ANKRD55: variants seen among roughly 807,000 people sequenced by gnomAD.
ANKRD55 encodes the protein ankyrin repeat domain-containing protein 55.
In ANKRD55, 41 loss-of-function variants were observed where a neutral mutation model predicts 60.6. The ratio of observed to expected loss-of-function variants is 0.68; its 90% CI spans 0.53 to 0.88. The LOEUF (loss-of-function observed/expected upper bound fraction) is 0.88. Among genes scored for constraint, ANKRD55 ranks in the 40% least tolerant of loss-of-function variants. ANKRD55 has a pLI of 0.00. For missense variants in ANKRD55, 732 were observed against 767.6 expected (o/e 0.95, Z 0.55); for synonymous variants, 264 against 290.3 (o/e 0.91, Z 0.92).
chr5:56,104,492 T>C (rs1335718471), intron 10 of ANKRD55, among the ~76,000 whole-genome samples: 1 of 152,076 alleles, frequency 6.6e-6, no homozygotes, highest in Non-Finnish European at 1.5e-5. Context: ...TTTGCTCAGT[T>C]TTCAGGGACA....
chr5:56,166,907 C>T (rs1210193835), intron 5 of ANKRD55, among the ~76,000 whole-genome samples: 1 of 152,146 alleles, frequency 6.6e-6, no homozygotes, highest in African/African-American at 2.4e-5. Flanking sequence ...AAGACTGTTT[C>T]TTATAAGGCT....
rs768662926 is a variant in ANKRD55 at position 56,111,765 on chromosome 5, G to C, written c.983C>G (p.Pro328Arg). 4 of 1,512,230 alleles carry C rather than the reference G, an allele frequency of 2.6e-6. No homozygotes were observed. In the East Asian group the frequency reaches 9.1e-5, roughly 34 times the overall value. The allele number at this position is 1,512,230 out of a possible 1,614,324, so 93.7% of individuals were successfully genotyped here. ...GGGCCGACTGCTCTGGGAGGGAGGG[G>C]GTCGAGTAGGCTCTGTTCTATGCGA... is the stretch of plus-strand genomic sequence containing the variant. The part of the protein sequence containing the change: ...SQESRTEPTR[P>R]PPSQSSRPQK... The change falls in exon 10 of 12, where the codon CCC becomes CGC. Residue 328 changes from proline to arginine, a missense_variant. This residue lies in a region of ANKRD55 where 597 missense variants were observed against 607.5 expected (regional missense o/e 0.98). Coordinates refer to ENST00000341048, the MANE Select transcript of ANKRD55 (RefSeq NM_024669.3).
chr5:56,198,529 C>A (rs187239924), intron 2 of ANKRD55, among the ~76,000 whole-genome samples: 76 of 152,152 alleles, frequency 5.0e-4, no homozygotes, highest in South Asian at 1.2e-3. Context: ...AGGTGATCCG[C>A]CTGCCTCAGC....
intron 4 of ANKRD55, among the ~76,000 whole-genome samples, chr5:56,173,541 C>CCTCTCTCTCT (rs71578616): frequency 3.3e-5 from 2 of 61,536 alleles, no homozygotes; most frequent in African/African-American, 1.2e-4. Context: ...TAGAGATTCG[C>CCTCTCTCTCT]CTCTCTCTCT....
chr5:56,151,549 A>T (rs1395712544), intron 6 of ANKRD55, among the ~76,000 whole-genome samples: 2 of 152,128 alleles, frequency 1.3e-5, no homozygotes, highest in Non-Finnish European at 2.9e-5. Context: ...GTGGTGGCTC[A>T]CGCCTATAAT....
At chr5:56,173,324 A>C (rs1758650091) in intron 4 of ANKRD55, among the ~76,000 whole-genome samples, 1 of 151,852 alleles carries the variant, frequency 6.6e-6, no homozygotes, top group Admixed American at 6.6e-5. Context: ...CAGCTTCCCA[A>C]GTAGCTGGGA....
At chr5:56,205,952 C>A (rs534208212) in intron 2 of ANKRD55, among the ~76,000 whole-genome samples, 1 of 150,488 alleles carries the variant, frequency 6.6e-6, no homozygotes, top group South Asian at 2.1e-4. Flanking sequence ...ATCACTGATG[C>A]ATTTTTTTTT....
chr5:56,174,215 T>C (rs2111819317), intron 4 of ANKRD55, among the ~76,000 whole-genome samples: 1 of 152,262 alleles, frequency 6.6e-6, no homozygotes, highest in African/African-American at 2.4e-5. Flanking sequence ...GCTCCAAGGG[T>C]GTCCATCATT....
At chr5:56,223,989 A>C (rs1760039948) in intron 2 of ANKRD55, among the ~76,000 whole-genome samples, 1 of 152,304 alleles carries the variant, frequency 6.6e-6, no homozygotes, top group Non-Finnish European at 1.5e-5. Flanking sequence ...AAGCGGACCT[A>C]ATAGACATCT....
In ANKRD55 at chr5:56,149,450, A is replaced by G. The variant is rs374484596; in HGVS notation, c.484-5521T>C. Among the ~76,000 whole-genome samples, 11 of 152,334 alleles carry G rather than the reference A, an allele frequency of 7.2e-5. No individual in the cohort carries two copies. In the East Asian group the frequency reaches 1.2e-3, roughly 16 times the overall value. ...AAAAACAATAAAACGAACTTAGGCCATAGAAGTCTAGGAGCCAATTCTAAC... is the reference window on the plus strand; with the variant it reads ...AAAAACAATAAAACGAACTTAGGCCGTAGAAGTCTAGGAGCCAATTCTAAC... On this transcript the variant is annotated intron_variant, in intron 6 of 11. Transcript: ENST00000341048.
chr5:56,218,823 G>A (rs1009548623), intron 2 of ANKRD55, among the ~76,000 whole-genome samples: 2 of 152,078 alleles, frequency 1.3e-5, no homozygotes, highest in East Asian at 1.9e-4. Context: ...GAGAGAGAGA[G>A]GGAGGGAAGG....
chr5:56,135,280 C>CTTGCT (rs1757540224), intron 7 of ANKRD55, among the ~76,000 whole-genome samples: 1 of 48,398 alleles, frequency 2.1e-5, no homozygotes, highest in African/African-American at 7.6e-5. Context: ...CCCTCCCTCC[C>CTTGCT]TGCCTGCCTG....
intron 2 of ANKRD55, among the ~76,000 whole-genome samples, chr5:56,185,625 G>A (rs953162215): frequency 4.7e-5 from 7 of 150,438 alleles, no homozygotes; most frequent in African/African-American, 7.4e-5. Flanking sequence ...CCCAGATGGC[G>A]CCATTGCACT....
intron 8 of ANKRD55, among the ~76,000 whole-genome samples, chr5:56,121,829 A>G (rs1036412185): frequency 3.3e-5 from 5 of 152,242 alleles, no homozygotes; most frequent in Admixed American, 6.5e-5. Flanking sequence ...TGTACCAAAG[A>G]CAAAATAATT....
intron 2 of ANKRD55, among the ~76,000 whole-genome samples, chr5:56,209,584 A>C (rs1759609383): frequency 6.6e-6 from 1 of 150,458 alleles, no homozygotes; most frequent in Admixed American, 6.7e-5. Flanking sequence ...CTCCTGCCTC[A>C]GCCTTCCGAC....
intron 5 of ANKRD55, among the ~76,000 whole-genome samples, chr5:56,165,461 C>G (rs1257918955): frequency 6.6e-6 from 1 of 152,070 alleles, no homozygotes; most frequent in Non-Finnish European, 1.5e-5. Flanking sequence ...TTCTATCTTC[C>G]ATCATCATCA....
intron 2 of ANKRD55, among the ~76,000 whole-genome samples, chr5:56,204,137 G>C (rs963108309): frequency 3.2e-4 from 49 of 152,124 alleles, no homozygotes; most frequent in African/African-American, 7.0e-4. Flanking sequence ...CTTTTGAGAA[G>C]TGTCTGTTCA....
intron 7 of ANKRD55, among the ~76,000 whole-genome samples, chr5:56,135,430 T>G (rs1348818056): frequency 6.6e-6 from 1 of 151,204 alleles, no homozygotes; most frequent in Non-Finnish European, 1.5e-5. Context: ...AGTGCAGTGG[T>G]GCGATCTTGG....
intron 7 of ANKRD55, among the ~76,000 whole-genome samples, chr5:56,140,878 T>C (rs908820784): frequency 7.2e-5 from 11 of 152,022 alleles, no homozygotes; most frequent in African/African-American, 2.4e-4. Context: ...GTCTGACCCA[T>C]GTGGTGAAAC....
Sources: allele counts gnomAD v4.1 joint callset (sites outside exome capture counted in the v4.1 genomes callset), GRCh38; gene constraint gnomAD v4.1.1; regional missense constraint gnomAD v4.1.1; transcripts MANE v1.5; gene names NCBI Gene and HGNC (gene_info 2026-07-23, HGNC 2026-07-21).